The following UBTD1 variants were observed in gnomAD, a reference collection of about 807,000 sequenced individuals.
UBTD1 encodes ubiquitin domain containing 1.
Under a neutral mutation model 21.7 loss-of-function variants are expected in UBTD1, and 19 were observed. The ratio of observed to expected loss-of-function variants is 0.87; its 90% CI spans 0.61 to 1.28. UBTD1 has a LOEUF of 1.28. UBTD1 is among the 50% of genes most tolerant of loss of function. UBTD1 has a pLI of 0.00. For synonymous variants in UBTD1, 116 were observed against 135.1 expected, an observed-to-expected ratio of 0.86 and a Z score of 0.98; for missense variants, 282 against 315.1, an observed-to-expected ratio of 0.89 and a Z score of 0.80.
intron 1 of UBTD1, among the ~76,000 whole-genome samples, chr10:97,552,393 C>CTTTTT (rs60160152): frequency 8.3e-5 from 10 of 119,856 alleles, no homozygotes; most frequent in Non-Finnish European, 1.3e-4. Context: ...ATTATACACC[C>CTTTTT]TTTTTTTTTT....
intron 1 of UBTD1, among the ~76,000 whole-genome samples, chr10:97,558,331 C>G (rs2040674938): frequency 6.6e-6 from 1 of 152,164 alleles, no homozygotes; most frequent in Non-Finnish European, 1.5e-5. Flanking sequence ...TCTAGTTAGT[C>G]TAGCATTCGT....
intron 1 of UBTD1, among the ~76,000 whole-genome samples, chr10:97,566,490 A>G (rs2040717538): frequency 1.3e-5 from 2 of 152,184 alleles, no homozygotes; most frequent in South Asian, 4.1e-4. Context: ...TACAGGATTT[A>G]GTCAGACCTG....
chr10:97,560,243 T>G (rs2040686042), intron 1 of UBTD1, among the ~76,000 whole-genome samples: 1 of 152,228 alleles, frequency 6.6e-6, no homozygotes, highest in South Asian at 2.1e-4. Context: ...ATTCCTTTTT[T>G]TAAAGCAAAC....
At chr10:97,527,381 C>T (rs112548515) in intron 1 of UBTD1, among the ~76,000 whole-genome samples, 269 of 151,970 alleles carry the variant, frequency 1.8e-3, no homozygotes, top group Non-Finnish European at 3.1e-3. Context: ...GCTCTCCCAT[C>T]CCTTAGGGCA....
At chr10:97,529,387 C>T (rs540832223) in intron 1 of UBTD1, among the ~76,000 whole-genome samples, 63 of 152,338 alleles carry the variant, frequency 4.1e-4, no homozygotes, top group African/African-American at 1.4e-3. Context: ...GCTGCAATCT[C>T]GGCACTTTGG....
intron 1 of UBTD1, among the ~76,000 whole-genome samples, chr10:97,542,069 T>C (rs1032097830): frequency 3.3e-5 from 5 of 152,160 alleles, no homozygotes; most frequent in African/African-American, 9.7e-5. Flanking sequence ...CTCTCTGTGT[T>C]CCAAAGCCTC....
chr10:97,520,982 T>C (rs2040464784), intron 1 of UBTD1, among the ~76,000 whole-genome samples: 1 of 152,004 alleles, frequency 6.6e-6, no homozygotes, highest in South Asian at 2.1e-4. Flanking sequence ...TCTTCCACAA[T>C]GTTCTATAAA....
intron 1 of UBTD1, among the ~76,000 whole-genome samples, chr10:97,549,007 C>T (rs1250018358): frequency 6.6e-6 from 1 of 152,172 alleles, no homozygotes; most frequent in Non-Finnish European, 1.5e-5. Flanking sequence ...CTGAGCCCAG[C>T]CAGGCAGCCG....
intron 1 of UBTD1, among the ~76,000 whole-genome samples, chr10:97,549,096 C>A (rs2040624698): frequency 6.6e-6 from 1 of 152,240 alleles, no homozygotes; most frequent in Non-Finnish European, 1.5e-5. Flanking sequence ...TTGTCCGTAT[C>A]TGTGGCTGCC....
rs1317632183 is a variant in UBTD1 at position 97,541,240 on chromosome 10, G to C, written c.71-26674G>C. On this transcript the variant is annotated intron_variant, in intron 1 of 2. Coordinates refer to ENST00000370664, the MANE Select transcript of UBTD1 (RefSeq NM_024954.5). ...GCCTGTAATCCTAGCAATTCGGGAG[G>C]CTGAGGCAGGAGGATTGCTTGAGCC... Among the ~76,000 whole-genome samples, 3 of 152,302 alleles carry C rather than the reference G, an allele frequency of 2.0e-5. No homozygotes were observed. In the East Asian group the frequency reaches 5.8e-4, roughly 29 times the overall value.
At chr10:97,532,798 A>AG (rs1554865648) in intron 1 of UBTD1, among the ~76,000 whole-genome samples, 1 of 148,942 alleles carries the variant, frequency 6.7e-6, no homozygotes, top group Admixed American at 6.7e-5. Context: ...CTCAAAAAAA[A>AG]AAAGAAAGAA....
At chr10:97,566,733 C>CTGG (rs1187529465) in intron 1 of UBTD1, among the ~76,000 whole-genome samples, 1 of 152,230 alleles carries the variant, frequency 6.6e-6, no homozygotes, top group South Asian at 2.1e-4. Flanking sequence ...TGGGAGCAGC[C>CTGG]TGGTGGTGGC....
chr10:97,554,246 C>CA (rs1179625817), intron 1 of UBTD1, among the ~76,000 whole-genome samples: 129 of 96,388 alleles, frequency 1.3e-3, no homozygotes, highest in Non-Finnish European at 2.5e-3. Context: ...TGTTTGTTTT[C>CA]GTTTTTTTTT....
At chr10:97,526,854 C>CAA (rs35330483) in intron 1 of UBTD1, among the ~76,000 whole-genome samples, 2,949 of 63,184 alleles carry the variant, frequency 0.047, 95 homozygotes, top group Non-Finnish European at 0.069. Context: ...GACTCCGTCT[C>CAA]AAAAAAAAAA....
At chr10:97,559,325 C>G (rs1167624736) in intron 1 of UBTD1, among the ~76,000 whole-genome samples, 1 of 152,224 alleles carries the variant, frequency 6.6e-6, no homozygotes, top group Non-Finnish European at 1.5e-5. Flanking sequence ...TCTGGCCTGC[C>G]ATGTGCACAA....
intron 1 of UBTD1, among the ~76,000 whole-genome samples, chr10:97,566,699 C>G (rs74396363): frequency 0.014 from 2,194 of 152,338 alleles, 60 homozygotes; most frequent in African/African-American, 0.05. Flanking sequence ...AATTCTCTTC[C>G]TTGCTTCCTT....
At chr10:97,545,427 T>C (rs1471976617) in intron 1 of UBTD1, among the ~76,000 whole-genome samples, 1 of 21,244 alleles carries the variant, frequency 4.7e-5, no homozygotes, top group African/African-American at 9.6e-5. Context: ...GGTGTGTGTG[T>C]GTGGGTGTGT....
intron 1 of UBTD1, among the ~76,000 whole-genome samples, chr10:97,547,073 G>A (rs1371041326): frequency 3.3e-5 from 5 of 152,182 alleles, no homozygotes; most frequent in Admixed American, 1.3e-4. Flanking sequence ...TGCCATACTC[G>A]GGGGACATGC....
In UBTD1 at chr10:97,519,642, T is replaced by C. The variant is rs149851406; in HGVS notation, c.70+20369T>C. 2.7e-4 allele frequency among the ~76,000 whole-genome samples: 41 copies of C among 152,172 alleles called. No homozygotes were observed. In the East Asian group the frequency reaches 3.7e-3, roughly 14 times the overall value. ...TTGAAAAGCATATTCAGGATCATAA[T>C]CTCATTTTAGCTTTGGAAAAATATA... On this transcript the variant is annotated intron_variant, in intron 1 of 2. Transcript: ENST00000370664.
Sources: gnomAD v4.1 joint callset for allele counts (sites outside exome capture counted in the v4.1 genomes callset) on GRCh38, gnomAD v4.1.1 for gene constraint, MANE v1.5 for transcripts, NCBI Gene and HGNC (gene_info 2026-07-23, HGNC 2026-07-21) for gene names.